PRR23E: variants seen among roughly 807,000 people sequenced by gnomAD.
PRR23E encodes the protein proline-rich protein 23E.
the PRR23E span, chr3:127,196,704 G>C: frequency 7.2e-5 from 114 of 1,591,466 alleles, no homozygotes; most frequent in Non-Finnish European, 9.5e-5. Context: ...AGGTGCATCA[G>C]AGAAACAAGC....
chr3:127,197,402 C>CT, the PRR23E span: 4 of 1,554,934 alleles, frequency 2.6e-6, no homozygotes, highest in Admixed American at 1.8e-5. Context: ...GCCGCCGCCT[C>CT]TTTGAGTGCT....
At chr3:127,196,604 C>A in the PRR23E span, 1 of 1,464,284 alleles carries the variant, frequency 6.8e-7, no homozygotes, top group Non-Finnish European at 9.0e-7. Context: ...CCAGGAGCCC[C>A]GTGAGGTGCG....
the PRR23E span, chr3:127,196,611 TGCGTGTG>T: frequency 1.4e-6 from 2 of 1,472,888 alleles, no homozygotes; most frequent in African/African-American, 1.4e-5. Context: ...CCCCGTGAGG[TGCGTGTG>T]GCCTCAGCTT....
chr3:127,196,525 C>A, the PRR23E span: 1 of 1,185,742 alleles, frequency 8.4e-7, no homozygotes, highest in Non-Finnish European at 1.1e-6. Context: ...CTGTCCCCCT[C>A]CTCCCATCCC....
the PRR23E span, among the ~76,000 whole-genome samples, chr3:127,194,169 G>A: frequency 6.6e-6 from 1 of 152,064 alleles, no homozygotes; most frequent in African/African-American, 2.4e-5. Flanking sequence ...CATGCACAAA[G>A]GGCCTTCTCC....
chr3:127,195,081 G>C, the PRR23E span, among the ~76,000 whole-genome samples: 1 of 152,178 alleles, frequency 6.6e-6, no homozygotes, highest in African/African-American at 2.4e-5. Context: ...GCAGAGAGGA[G>C]GGGGAGCACC....
At chr3:127,195,349 A>G in the PRR23E span, among the ~76,000 whole-genome samples, 1 of 152,178 alleles carries the variant, frequency 6.6e-6, no homozygotes, top group South Asian at 2.1e-4. Flanking sequence ...CTCCTGAAAC[A>G]CAAAGCTGGT....
At chr3:127,196,740 G>C in the PRR23E span, 156 of 1,594,636 alleles carry the variant, frequency 9.8e-5, no homozygotes, top group Middle Eastern at 1.6e-4. Flanking sequence ...CCGTGCCTTC[G>C]AGGCCTCCGA....
chr3:127,197,373 CGG>C, the PRR23E span: 2 of 1,575,618 alleles, frequency 1.3e-6, no homozygotes, highest in Admixed American at 3.4e-5. Context: ...CTCCTCCTCC[CGG>C]TCACCCTGCA....
chr3:127,195,297 C>T, the PRR23E span, among the ~76,000 whole-genome samples: 1 of 152,148 alleles, frequency 6.6e-6, no homozygotes, highest in Non-Finnish European at 1.5e-5. Context: ...CTTTCCCGGG[C>T]CGGTTTCTTC....
chr3:127,194,143 T>C, the PRR23E span, among the ~76,000 whole-genome samples: 1 of 152,166 alleles, frequency 6.6e-6, no homozygotes, highest in African/African-American at 2.4e-5. Context: ...CTGCCTGTAT[T>C]TTCTTGTCTT....
the PRR23E span, among the ~76,000 whole-genome samples, chr3:127,193,610 G>A: frequency 6.6e-6 from 1 of 152,162 alleles, no homozygotes; most frequent in Non-Finnish European, 1.5e-5. Context: ...TAGAGGCCCA[G>A]ATTAATGTGT....
the PRR23E span, chr3:127,197,229 A>T: frequency 1.3e-6 from 2 of 1,598,756 alleles, no homozygotes; most frequent in African/African-American, 2.7e-5. Flanking sequence ...CTACTTGAAG[A>T]CATGCAAAGC....
the PRR23E span, chr3:127,196,709 A>G: frequency 6.3e-7 from 1 of 1,592,174 alleles, no homozygotes; most frequent in Non-Finnish European, 8.5e-7. Context: ...CATCAGAGAA[A>G]CAAGCAGAGC....
chr3:127,193,968 C>T, the PRR23E span, among the ~76,000 whole-genome samples: 3 of 152,302 alleles, frequency 2.0e-5, no homozygotes, highest in Admixed American at 6.5e-5. Context: ...ATTTACCTGC[C>T]GTGGACTAGC....
chr3:127,196,635 G>A, the PRR23E span: 14 of 1,516,518 alleles, frequency 9.2e-6, no homozygotes, highest in East Asian at 2.1e-4. Context: ...GCTTGCAGAG[G>A]AGTGCACTTG....
chr3:127,193,699 G>C, the PRR23E span, among the ~76,000 whole-genome samples: 1 of 152,156 alleles, frequency 6.6e-6, no homozygotes, highest in African/African-American at 2.4e-5. Flanking sequence ...CAAGGAAATC[G>C]GGTTTTGAAT....
chr3:127,197,201 G>A, the PRR23E span: 2 of 1,595,582 alleles, frequency 1.3e-6, no homozygotes, highest in African/African-American at 2.7e-5. Flanking sequence ...CCGTAGAGGG[G>A]CCATCCAGAG....
the PRR23E span, chr3:127,196,660 G>C: frequency 1.4e-5 from 22 of 1,561,120 alleles, no homozygotes; most frequent in Non-Finnish European, 1.9e-5. Context: ...ACACTTCGGG[G>C]CTTTGAAGAG....
Sources: gnomAD v4.1 joint callset for allele counts (sites outside exome capture counted in the v4.1 genomes callset) on GRCh38, gnomAD v4.1.1 for gene constraint, MANE v1.5 for transcripts, NCBI Gene and HGNC (gene_info 2026-07-23, HGNC 2026-07-21) for gene names.